The following AOAH variants were observed in gnomAD, a reference collection of about 807,000 sequenced individuals.
The protein encoded by AOAH is acyloxyacyl hydrolase (neutrophil).
In AOAH, 64 loss-of-function variants were observed where a neutral mutation model predicts 92.2. The observed-to-expected ratio is 0.69, with a 90% confidence interval of 0.57 to 0.86. The LOEUF (loss-of-function observed/expected upper bound fraction) is 0.86, where lower values mean the gene tolerates loss of function less well. AOAH is among the 40% of genes least tolerant of loss of function. AOAH has a pLI of 0.00. For synonymous variants in AOAH, 263 were observed against 254.5 expected, an observed-to-expected ratio of 1.03 and a Z score of -0.32; for missense variants, 656 against 694.6, an observed-to-expected ratio of 0.94 and a Z score of 0.62.
At chr7:36,575,302 G>A (rs963221131) in intron 13 of AOAH, among the ~76,000 whole-genome samples, 7 of 152,170 alleles carry the variant, frequency 4.6e-5, no homozygotes, top group Non-Finnish European at 1.0e-4. Context: ...GTGAGACAAC[G>A]TGGGTAGAAG....
intron 1 of AOAH, among the ~76,000 whole-genome samples, chr7:36,707,824 G>T (rs1015185626): frequency 4.0e-5 from 5 of 125,376 alleles, no homozygotes; most frequent in African/African-American, 1.5e-4. Context: ...GGATCTGTAG[G>T]CTAATGTTTT....
intron 4 of AOAH, among the ~76,000 whole-genome samples, chr7:36,654,139 A>C (rs1794742012): frequency 8.6e-6 from 1 of 115,790 alleles, no homozygotes. Context: ...ACACACACAC[A>C]CACACAGCAG....
At chr7:36,522,305 T>C (rs1784147198) in intron 19 of AOAH, among the ~76,000 whole-genome samples, 190 bp from the exon 20 acceptor site, 1 of 152,244 alleles carries the variant, frequency 6.6e-6, no homozygotes. Context: ...GTGTGTGCTT[T>C]TTCTAACTCA....
chr7:36,627,914 T>C (rs552349952), intron 6 of AOAH, among the ~76,000 whole-genome samples: 1 of 152,248 alleles, frequency 6.6e-6, no homozygotes, highest in African/African-American at 2.4e-5. Context: ...TTCATGAAAC[T>C]GGGGCATTAT....
chr7:36,692,787 C>G (rs10240805), intron 1 of AOAH, among the ~76,000 whole-genome samples: 2,070 of 152,226 alleles, frequency 0.014, 56 homozygotes, highest in African/African-American at 0.047. Flanking sequence ...AAAGAAGTCA[C>G]AGACAGGTGG....
Position 36,528,104 on chromosome 7 carries a change from C to T in AOAH, c.1522+2314G>A, listed in dbSNP as rs185883045. ...AGGTCCCACAGTGGTCTCACTGTGC[C>T]CACATGCCTTCCCTAGTGGGGTGCC... On this transcript the variant is annotated intron_variant, in intron 19 of 20. Coordinates refer to ENST00000617537, the MANE Select transcript of AOAH (RefSeq NM_001637.4). 6.6e-5 allele frequency among the ~76,000 whole-genome samples: 10 copies of T among 152,206 alleles called. 1 individual carries two copies. Among genetic ancestry groups the T allele is most frequent in the Admixed American group, 5.9e-4 (9 of 15,298 alleles).
At chr7:36,596,636 A>G (rs1424482970) in intron 11 of AOAH, among the ~76,000 whole-genome samples, 1 of 152,216 alleles carries the variant, frequency 6.6e-6, no homozygotes, top group East Asian at 1.9e-4. Context: ...AGTTAATGGC[A>G]AAGATTGCCA....
At chr7:36,637,996 C>G in intron 4 of AOAH, 86 bp from the exon 5 acceptor site, 1 of 1,109,810 alleles carries the variant, frequency 9.0e-7, no homozygotes, top group Non-Finnish European at 1.3e-6. Flanking sequence ...ATTTAAAGTC[C>G]ATAAGTTTTC....
At chr7:36,711,534 G>A (rs1408167959) in intron 1 of AOAH, among the ~76,000 whole-genome samples, 1 of 152,094 alleles carries the variant, frequency 6.6e-6, no homozygotes, top group Non-Finnish European at 1.5e-5. Flanking sequence ...AAAGAGAGAG[G>A]CAGACAGGTG....
intron 16 of AOAH, 97 bp from the exon 17 acceptor site, chr7:36,532,441 T>C: frequency 8.9e-7 from 1 of 1,125,626 alleles, no homozygotes; most frequent in Non-Finnish European, 1.4e-6. Flanking sequence ...AGAAAGTCAC[T>C]ATTTCCAGGG....
chr7:36,681,870 C>G (rs1399474917), intron 2 of AOAH, among the ~76,000 whole-genome samples: 4 of 152,032 alleles, frequency 2.6e-5, no homozygotes, highest in Non-Finnish European at 5.9e-5. Flanking sequence ...AAGCAGTTAC[C>G]ACAAAGCTAG....
At chr7:36,721,985 T>C (rs550088977) in intron 1 of AOAH, among the ~76,000 whole-genome samples, 1 of 152,304 alleles carries the variant, frequency 6.6e-6, no homozygotes, top group South Asian at 2.1e-4. Flanking sequence ...GATAGCCATG[T>C]GTGGGCACTC....
chr7:36,613,431 G>C (rs899297249), intron 11 of AOAH, among the ~76,000 whole-genome samples: 1 of 152,184 alleles, frequency 6.6e-6, no homozygotes, highest in Admixed American at 6.5e-5. Flanking sequence ...GCACGTAGTG[G>C]GGGTTGTGGG....
chr7:36,527,462 G>A (rs1270133229), intron 19 of AOAH, among the ~76,000 whole-genome samples: 1 of 152,032 alleles, frequency 6.6e-6, no homozygotes, highest in East Asian at 1.9e-4. Flanking sequence ...TTTCTTCTTG[G>A]TAATGGATGC....
intron 16 of AOAH, among the ~76,000 whole-genome samples, chr7:36,538,579 C>T (rs1019666882): frequency 6.6e-6 from 1 of 152,174 alleles, no homozygotes; most frequent in African/African-American, 2.4e-5. Flanking sequence ...ACAAACTTCC[C>T]TGCCCTCAGC....
intron 4 of AOAH, among the ~76,000 whole-genome samples, chr7:36,643,364 T>C (rs1340589379): frequency 1.3e-5 from 2 of 152,114 alleles, no homozygotes; most frequent in Admixed American, 6.6e-5. Context: ...CAAGAAAATA[T>C]GATTGATGAG....
chr7:36,665,140 C>T (rs887973925), intron 3 of AOAH, among the ~76,000 whole-genome samples: 4 of 152,184 alleles, frequency 2.6e-5, no homozygotes, highest in African/African-American at 9.7e-5. Flanking sequence ...GAAGAAGTGA[C>T]ATCTTGACAG....
intron 19 of AOAH, among the ~76,000 whole-genome samples, chr7:36,529,299 G>T (rs540848471): frequency 6.6e-6 from 1 of 152,080 alleles, no homozygotes; most frequent in African/African-American, 2.4e-5. Flanking sequence ...TATATTCAAG[G>T]TTGATGATGA....
chr7:36,594,403 G>T lies in AOAH; in HGVS notation c.874C>A (p.Leu292Ile). 6.2e-7 allele frequency: 1 copy of T among 1,614,012 alleles called. No homozygotes were observed. Among genetic ancestry groups the T allele is most frequent in the Non-Finnish European group, 8.5e-7 (1 of 1,179,876 alleles). ...LNSFINLPTALTNELDWPQLS... is the reference protein window; with the variant it reads ...LNSFINLPTAITNELDWPQLS... The stretch of plus-strand genomic sequence containing the variant: ...TGGGGCCAGTCAAGCTCGTTGGTAA[G>T]GGCTGTTGGTAGATTGATGAAAGAG... Residue 292 changes from leucine to isoleucine, a missense_variant, in exon 12 of 21, where the codon CTT (leucine) becomes ATT (isoleucine). By Grantham distance (5) the Leu-to-Ile change is conservative. Transcript: ENST00000617537.
Sources: allele counts gnomAD v4.1 joint callset (sites outside exome capture counted in the v4.1 genomes callset), GRCh38; gene constraint gnomAD v4.1.1; transcripts MANE v1.5; gene names NCBI Gene and HGNC (gene_info 2026-07-23, HGNC 2026-07-21).